The following CDH2 variants were observed in gnomAD, a reference collection of about 807,000 sequenced individuals.
CDH2 encodes the protein cadherin-2.
CDH2 carries 17 observed loss-of-function variants against 92.0 expected under a neutral mutation model. The observed-to-expected ratio is 0.18, with a 90% CI of 0.13 to 0.28. The LOEUF is 0.28. Ranked by LOEUF, CDH2 falls within the 10% of genes least tolerant of loss-of-function variation. CDH2 has a pLI of 1.00. For missense variants in CDH2, 862 were observed against 1,133.1 expected, an observed-to-expected ratio of 0.76 and a Z score of 3.44; for synonymous variants, 419 against 415.9, an observed-to-expected ratio of 1.01 and a Z score of -0.09.
chr18:28,136,428 C>A (rs529315560), intron 2 of CDH2, among the ~76,000 whole-genome samples: 1 of 149,698 alleles, frequency 6.7e-6, no homozygotes, highest in South Asian at 2.1e-4. Context: ...GAAGAATCTT[C>A]GTCGCAATTT....
chr18:27,935,177 C>G (rs7240241), intron 6 of CDH2, among the ~76,000 whole-genome samples: 1 of 152,090 alleles, frequency 6.6e-6, no homozygotes, highest in Non-Finnish European at 1.5e-5. Context: ...ACTGCTATAA[C>G]GATACACCTG....
chr18:28,148,265 TAC>T (rs2016068982), intron 1 of CDH2, among the ~76,000 whole-genome samples: 2 of 152,198 alleles, frequency 1.3e-5, no homozygotes, highest in African/African-American at 4.8e-5. Flanking sequence ...ATAATATACT[TAC>T]AACAGTGGGA....
chr18:28,109,531 G>A (rs765312097), intron 2 of CDH2, among the ~76,000 whole-genome samples: 4 of 152,094 alleles, frequency 2.6e-5, no homozygotes, highest in Non-Finnish European at 5.9e-5. Flanking sequence ...GTAATACATA[G>A]AAACAAGACA....
intron 14 of CDH2, among the ~76,000 whole-genome samples, chr18:27,975,897 T>A (rs2011811467): frequency 6.6e-6 from 1 of 151,998 alleles, no homozygotes; most frequent in Non-Finnish European, 1.5e-5. Context: ...GGCAGGTCGC[T>A]CTCCCCTGAA....
intron 2 of CDH2, 98 bp downstream of exon 2, chr18:28,147,575 A>C (rs1312559517): frequency 3.0e-6 from 2 of 655,766 alleles, no homozygotes; most frequent in Admixed American, 6.1e-5. Context: ...AAAAATTCAT[A>C]CTTGTTATAC....
intron 2 of CDH2, among the ~76,000 whole-genome samples, chr18:28,032,751 A>T (rs1487701581): frequency 1.3e-5 from 2 of 152,086 alleles, no homozygotes; most frequent in African/African-American, 4.8e-5. Context: ...GGTCACATTG[A>T]AAGTGGTGGG....
intron 14 of CDH2, among the ~76,000 whole-genome samples, chr18:27,966,849 C>CA (rs1430936982): frequency 1.3e-5 from 2 of 152,058 alleles, no homozygotes; most frequent in African/African-American, 4.8e-5. Flanking sequence ...TTTGGACCAT[C>CA]AATGTTTCAG....
At chr18:27,939,575 C>G (rs1291738340) in intron 6 of CDH2, among the ~76,000 whole-genome samples, 1 of 152,172 alleles carries the variant, frequency 6.6e-6, no homozygotes, top group East Asian at 1.9e-4. Context: ...CCACACTCTT[C>G]CTGTGCGTTG....
intron 1 of CDH2, among the ~76,000 whole-genome samples, chr18:28,156,400 A>C (rs188422351): frequency 5.3e-4 from 80 of 150,752 alleles, no homozygotes; most frequent in African/African-American, 1.9e-3. Flanking sequence ...TGTGGTACAG[A>C]ATGTCACCTT....
chr18:28,016,925 A>T (rs565037366), intron 2 of CDH2, among the ~76,000 whole-genome samples: 10 of 152,256 alleles, frequency 6.6e-5, no homozygotes, highest in Non-Finnish European at 1.0e-4. Flanking sequence ...TATCACATTT[A>T]TTGACTTGCA....
At chr18:28,106,474 T>G (rs1439963887) in intron 2 of CDH2, among the ~76,000 whole-genome samples, 1 of 5,804 alleles carries the variant, frequency 1.7e-4, no homozygotes, top group African/African-American at 7.1e-4. Flanking sequence ...CTTACCAGAG[T>G]TTTTTTTTTT....
At chr18:28,090,886 T>C (rs2015024197) in intron 2 of CDH2, among the ~76,000 whole-genome samples, 1 of 152,208 alleles carries the variant, frequency 6.6e-6, no homozygotes, top group South Asian at 2.1e-4. Context: ...TCACTCTGCC[T>C]ACAAGTAGAA....
intron 2 of CDH2, among the ~76,000 whole-genome samples, chr18:28,089,096 CTCA>C (rs2014990287): frequency 1.3e-5 from 2 of 152,256 alleles, no homozygotes; most frequent in Non-Finnish European, 2.9e-5. Flanking sequence ...AGGAACAGAG[CTCA>C]TCAAGAGTAC....
At chr18:28,062,511 T>C (rs1428511455) in intron 2 of CDH2, among the ~76,000 whole-genome samples, 1 of 152,192 alleles carries the variant, frequency 6.6e-6, no homozygotes, top group African/African-American at 2.4e-5. Context: ...AAACTATTTT[T>C]ATAACAGCCC....
At chr18:28,065,394 A>G (rs964776594) in intron 2 of CDH2, among the ~76,000 whole-genome samples, 69 of 152,320 alleles carry the variant, frequency 4.5e-4, no homozygotes, top group African/African-American at 1.6e-3. Flanking sequence ...TTACCAAAGA[A>G]GTAATTAACA....
At chr18:28,060,219 C>T (rs901397805) in intron 2 of CDH2, among the ~76,000 whole-genome samples, 9 of 152,092 alleles carry the variant, frequency 5.9e-5, no homozygotes, top group Non-Finnish European at 4.4e-5. Flanking sequence ...CAGAGTCTCA[C>T]TCTTTTGCCC....
chr18:27,977,260 C>T (rs1039179078), intron 14 of CDH2, among the ~76,000 whole-genome samples: 1 of 152,186 alleles, frequency 6.6e-6, no homozygotes, highest in Non-Finnish European at 1.5e-5. Context: ...ATGGGCCCAA[C>T]CTAGCCTCCT....
intron 14 of CDH2, among the ~76,000 whole-genome samples, chr18:27,981,689 A>G (rs1473837814): frequency 6.6e-6 from 1 of 152,244 alleles, no homozygotes; most frequent in Non-Finnish European, 1.5e-5. Context: ...GAAAAGTGAT[A>G]TATCATTTCC....
intron 2 of CDH2, among the ~76,000 whole-genome samples, chr18:28,113,034 T>C (rs1007168737): frequency 6.6e-6 from 1 of 152,172 alleles, no homozygotes; most frequent in Non-Finnish European, 1.5e-5. Flanking sequence ...TGGACTATGA[T>C]GATAATAAAT....
Sources: allele counts gnomAD v4.1 joint callset (sites outside exome capture counted in the v4.1 genomes callset), GRCh38; gene constraint gnomAD v4.1.1; transcripts MANE v1.5; gene names NCBI Gene and HGNC (gene_info 2026-07-23, HGNC 2026-07-21).